TYW1B: variants seen among roughly 807,000 people sequenced by gnomAD.
TYW1B encodes S-adenosyl-L-methionine-dependent tRNA 4-demethylwyosine synthase TYW1B.
Under a neutral mutation model 86.9 loss-of-function variants are expected in TYW1B, and 73 were observed. That is an observed-to-expected ratio of 0.84 (90% CI 0.70 to 1.02). The LOEUF is 1.02. TYW1B is among the 50% of genes least tolerant of loss of function. The pLI, the probability that TYW1B is intolerant of heterozygous loss-of-function variation, is 0.00. For synonymous variants in TYW1B, 248 were observed against 292.8 expected, an observed-to-expected ratio of 0.85 and a Z score of 1.56; for missense variants, 637 against 827.4, an observed-to-expected ratio of 0.77 and a Z score of 2.82.
chr7:72,592,536 T>C (rs1174199775), intron 13 of TYW1B, among the ~76,000 whole-genome samples: 15 of 151,966 alleles, frequency 9.9e-5, no homozygotes, highest in African/African-American at 3.6e-4. Context: ...CAGAAGTAAA[T>C]CCCTCCATAT....
chr7:72,806,296 C>T (rs1454195347), intron 5 of TYW1B, among the ~76,000 whole-genome samples: 1 of 148,550 alleles, frequency 6.7e-6, no homozygotes, highest in Non-Finnish European at 1.5e-5. Context: ...AGTGCAGTCG[C>T]GTGATCTCAG....
chr7:72,749,300 T>C (rs1554464438), intron 7 of TYW1B, among the ~76,000 whole-genome samples: 1 of 152,062 alleles, frequency 6.6e-6, no homozygotes, highest in African/African-American at 2.4e-5. Flanking sequence ...TGACTTGAGT[T>C]TTCTTTTTTT....
chr7:72,645,293 A>G lies in TYW1B; in HGVS notation c.1507-16296T>C, dbSNP rs113292989. On this transcript the variant is annotated intron_variant, in intron 11 of 13. Transcript: ENST00000620995. ...TATCTAGAATACATTTAAAAATCCT[A>G]TAAACCAATAAGAAAAAGACAATGC... Among the ~76,000 whole-genome samples the G allele has an allele frequency of 2.2e-3, 340 of 152,340 alleles. 4 individuals carry two copies. The highest frequency in any genetic ancestry group is 7.6e-3 in the African/African-American group (315 of 41,590).
At chr7:72,769,368 T>C (rs1787828403) in intron 7 of TYW1B, among the ~76,000 whole-genome samples, 1 of 152,206 alleles carries the variant, frequency 6.6e-6, no homozygotes. Flanking sequence ...TGTGAAAATG[T>C]ATATTTAACA....
intron 13 of TYW1B, among the ~76,000 whole-genome samples, chr7:72,590,245 T>C (rs35977533): frequency 4.4e-4 from 64 of 144,412 alleles, no homozygotes; most frequent in African/African-American, 9.2e-4. Context: ...TACCAGTCCC[T>C]GACGACTCAG....
chr7:72,709,138 T>C (rs1554454125), intron 10 of TYW1B, among the ~76,000 whole-genome samples: 1 of 152,192 alleles, frequency 6.6e-6, no homozygotes, highest in African/African-American at 2.4e-5. Flanking sequence ...TCTTCCCATA[T>C]CCTAGCAGTA....
intron 6 of TYW1B, among the ~76,000 whole-genome samples, chr7:72,782,479 GC>G (rs1478599332): frequency 0.69 from 103,844 of 151,460 alleles, 36,503 homozygotes; most frequent in Non-Finnish European, 0.77. Flanking sequence ...CAACAAACAA[GC>G]TTTTTCTTAC....
At chr7:72,628,280 C>T (rs1812403546) in intron 12 of TYW1B, among the ~76,000 whole-genome samples, 1 of 151,638 alleles carries the variant, frequency 6.6e-6, no homozygotes, top group African/African-American at 2.4e-5. Flanking sequence ...GAGTCCTTGT[C>T]TCAAAATAAA....
chr7:72,697,197 T>C (rs878985050), intron 10 of TYW1B, among the ~76,000 whole-genome samples: 3 of 152,014 alleles, frequency 2.0e-5, no homozygotes, highest in Non-Finnish European at 2.9e-5. Context: ...TTATGAACAG[T>C]ACATTCCAAA....
chr7:72,611,902 G>A (rs1423860213), intron 13 of TYW1B, among the ~76,000 whole-genome samples: 1 of 152,088 alleles, frequency 6.6e-6, no homozygotes, highest in Non-Finnish European at 1.5e-5. Context: ...CTTGTGGGTG[G>A]GGAAAGACCA....
intron 11 of TYW1B, among the ~76,000 whole-genome samples, chr7:72,637,093 C>CGG (rs1554440859): frequency 6.6e-6 from 1 of 152,028 alleles, no homozygotes; most frequent in Non-Finnish European, 1.5e-5. Context: ...CATCGCACTC[C>CGG]AGCCTGGGCA....
At chr7:72,725,527 C>T (rs1284792325) in intron 9 of TYW1B, among the ~76,000 whole-genome samples, 8 of 152,134 alleles carry the variant, frequency 5.3e-5, no homozygotes, top group Non-Finnish European at 1.0e-4. Context: ...GTCTGGGTCA[C>T]GGCGTCCAGA....
intron 13 of TYW1B, among the ~76,000 whole-genome samples, chr7:72,610,883 T>A (rs1487009786): frequency 2.0e-5 from 3 of 152,188 alleles, no homozygotes; most frequent in Non-Finnish European, 2.9e-5. Flanking sequence ...ACTGTGGCAC[T>A]CCCCTACCTA....
intron 2 of TYW1B, among the ~76,000 whole-genome samples, chr7:72,824,675 AG>A (rs1788896942): frequency 6.6e-6 from 1 of 151,840 alleles, no homozygotes; most frequent in Non-Finnish European, 1.5e-5. Flanking sequence ...CAGGAGGCGG[AG>A]GTTGTGGTGA....
chr7:72,608,194 A>G (rs1338916335), intron 13 of TYW1B, among the ~76,000 whole-genome samples: 1 of 152,242 alleles, frequency 6.6e-6, no homozygotes, highest in Non-Finnish European at 1.5e-5. Context: ...AGTTCTTCAA[A>G]CAGATGGGGA....
intron 7 of TYW1B, among the ~76,000 whole-genome samples, chr7:72,745,526 A>G (rs1164985732): frequency 1.3e-5 from 2 of 152,120 alleles, no homozygotes; most frequent in African/African-American, 4.8e-5. Context: ...TCAAGATAAT[A>G]TCAAGCTTTA....
intron 2 of TYW1B, among the ~76,000 whole-genome samples, chr7:72,820,074 C>T (rs568825694): frequency 6.6e-6 from 1 of 152,104 alleles, no homozygotes; most frequent in South Asian, 2.1e-4. Context: ...CAGGAGTTTG[C>T]GACCAGCCTG....
chr7:72,717,644 GACACACACACAC>G (rs71071905), intron 9 of TYW1B, among the ~76,000 whole-genome samples: 50 of 146,206 alleles, frequency 3.4e-4, no homozygotes, highest in African/African-American at 1.0e-3. Flanking sequence ...AGCTGTGCTT[GACACACACACAC>G]ACACACACAC....
intron 10 of TYW1B, among the ~76,000 whole-genome samples, chr7:72,704,396 T>G (rs1304981432): frequency 7.2e-6 from 1 of 138,450 alleles, no homozygotes; most frequent in Non-Finnish European, 1.5e-5. Context: ...ATCGCACCAC[T>G]GCACTCCAGC....
Sources: gnomAD v4.1 joint callset for allele counts (sites outside exome capture counted in the v4.1 genomes callset) on GRCh38, gnomAD v4.1.1 for gene constraint, MANE v1.5 for transcripts, NCBI Gene and HGNC (gene_info 2026-07-23, HGNC 2026-07-21) for gene names.